BLVRB: variants seen among roughly 807,000 people sequenced by gnomAD.
BLVRB encodes biliverdin reductase B.
Under a neutral mutation model 21.1 loss-of-function variants are expected in BLVRB, and 25 were observed. The ratio of observed to expected loss-of-function variants is 1.19; its 90% CI spans 0.86 to 1.66. The LOEUF is 1.66. Ranked by LOEUF, BLVRB falls within the 40% of genes most tolerant of loss-of-function variation. The pLI is 0.00. For synonymous variants in BLVRB, 128 were observed against 122.2 expected, an observed-to-expected ratio of 1.05 and a Z score of -0.31; for missense variants, 274 against 282.7, an observed-to-expected ratio of 0.97 and a Z score of 0.22.
chr19:40,453,057 C>T (rs1308416700), intron 3 of BLVRB, among the ~76,000 whole-genome samples: 1 of 152,008 alleles, frequency 6.6e-6, no homozygotes, highest in Non-Finnish European at 1.5e-5. Context: ...AGCAAGACTC[C>T]GTCTCAAAAG....
rs535015157 is a variant in BLVRB, at chr19:40,455,988, AAAAT to A, written c.334+2163_334+2166del. Among the ~76,000 whole-genome samples, 582 of 152,130 alleles carry A rather than the reference AAAAT, an allele frequency of 3.8e-3. 3 individuals are homozygous for A. The highest frequency in any genetic ancestry group is 0.013 in the African/African-American group (541 of 41,522). On this transcript the variant is annotated intron_variant, in intron 3 of 4. Transcript: ENST00000263368. Reference sequence around the variant, plus strand: ...TTAGCCAGCCTTATAACCCGGTCTCAAAATAAATAAATAAATAGATAGATAGCTA... The same window carrying A: ...TTAGCCAGCCTTATAACCCGGTCTCAAAATAAATAAATAGATAGATAGCTA...
At chr19:40,451,530 T>TC in intron 3 of BLVRB, 38 bp from the exon 4 acceptor site, 1 of 1,447,016 alleles carries the variant, frequency 6.9e-7, no homozygotes, top group Non-Finnish European at 9.0e-7. Flanking sequence ...CTGGGCTCTC[T>TC]TGTCTTTTTT....
chr19:40,460,760 G>T (rs966030887), intron 1 of BLVRB, among the ~76,000 whole-genome samples: 1 of 152,140 alleles, frequency 6.6e-6, no homozygotes, highest in Admixed American at 6.6e-5. Flanking sequence ...ATCACCTGAA[G>T]TTGGAAGTCC....
Position 40,458,157 on chromosome 19 carries a change from G to C in BLVRB, c.332C>G (p.Ser111Trp). The change falls in exon 3 of 5, where the codon TCG becomes TGG. Residue 111 changes from serine (S) to tryptophan (W), a missense_variant and splice_region_variant. Transcript: ENST00000263368. Reference sequence around the variant, plus strand: ...ACCTCCATGATCCCACCACCCACCCGAGGTGCAGGCCACGACCTTGTCCAC... The same window carrying C: ...ACCTCCATGATCCCACCACCCACCCCAGGTGCAGGCCACGACCTTGTCCAC... ...HGVDKVVACT[S>W]AFLLWDPTKV... The C allele has an allele frequency of 1.2e-6, 2 of 1,613,692 alleles. No homozygotes were observed. The highest frequency in any genetic ancestry group is 1.7e-5 in the Admixed American group (1 of 59,970).
rs2079721787 is a variant in BLVRB at position 40,448,015 on chromosome 19, C to T, written c.495G>A (p.Val165=). The change falls in exon 5 of 5, where the codon GTG becomes GTA. Residue 165 remains valine, a synonymous_variant. Coordinates refer to ENST00000263368, the MANE Select transcript of BLVRB (RefSeq NM_000713.3). ...GDQPLTGAYT[V]TLDGRGPSRV... ...TTGAGGGCCCTCGTCCATCCAGGGT[C>T]ACTGTGTACGCCCCAGTTAGTGGCT... The T allele has an allele frequency of 6.2e-7, 1 of 1,614,026 alleles. No homozygotes were observed. The highest frequency in any genetic ancestry group is 2.2e-5 in the East Asian group (1 of 44,854).
chr19:40,458,115 C>A (rs1395260733), intron 3 of BLVRB, 40 bp downstream of exon 3: 1 of 1,586,666 alleles, frequency 6.3e-7, no homozygotes, highest in Non-Finnish European at 8.6e-7. Flanking sequence ...CTCCCCAGTA[C>A]CCCCCAGTTC....
intron 1 of BLVRB, among the ~76,000 whole-genome samples, chr19:40,459,068 G>A (rs908373820): frequency 3.3e-5 from 5 of 150,658 alleles, no homozygotes; most frequent in East Asian, 4.0e-4. Flanking sequence ...GGTGGCTCAC[G>A]CCTGTAATCT....
At chr19:40,459,533 C>T (rs141479558) in intron 1 of BLVRB, among the ~76,000 whole-genome samples, 7 of 151,526 alleles carry the variant, frequency 4.6e-5, no homozygotes, top group African/African-American at 1.5e-4. Flanking sequence ...CTGCAACCTC[C>T]GCCTCCCGGG....
At chr19:40,453,518 A>C (rs567187900) in intron 3 of BLVRB, among the ~76,000 whole-genome samples, 2 of 152,328 alleles carry the variant, frequency 1.3e-5, no homozygotes, top group African/African-American at 4.8e-5. Flanking sequence ...ACAAGCTATA[A>C]CTTGGCCAAG....
intron 1 of BLVRB, among the ~76,000 whole-genome samples, chr19:40,461,622 C>T (rs2079788095): frequency 6.6e-6 from 1 of 152,074 alleles, no homozygotes; most frequent in East Asian, 1.9e-4. Context: ...GCCTCAGCCT[C>T]CTGAGTAGCT....
At chr19:40,461,012 C>T (rs1227636725) in intron 1 of BLVRB, among the ~76,000 whole-genome samples, 1 of 149,152 alleles carries the variant, frequency 6.7e-6, no homozygotes. Flanking sequence ...ACAACAACAA[C>T]AATAAACATA....
chr19:40,450,756 C>T (rs1389958199), intron 4 of BLVRB, among the ~76,000 whole-genome samples: 2 of 149,426 alleles, frequency 1.3e-5, no homozygotes, highest in Non-Finnish European at 3.0e-5. Flanking sequence ...CCAGGCTGGT[C>T]TCAAACTCCT....
At chr19:40,459,592 A>C in intron 1 of BLVRB, among the ~76,000 whole-genome samples, 1 of 151,338 alleles carries the variant, frequency 6.6e-6, no homozygotes. Context: ...TTTTTTTGAG[A>C]TAGAGTCTCC....
Position 40,465,639 on chromosome 19 carries a change from A to G in BLVRB, c.50T>C (p.Leu17Pro). ...AIFGATGQTG[L>P]TTLAQAVQAG... ...TTGCACCGCCTGCGCCAGGGTGGTG[A>G]GCCCGGTCTGGCCAGTGGCGCCGAA... Residue 17 changes from leucine (L) to proline (P), a missense_variant, in exon 1 of 5, where the codon CTC becomes CCC. Physicochemically the swap from Leu to Pro is moderately conservative, Grantham distance 98. Transcript: ENST00000263368. 1.2e-6 allele frequency: 2 copies of G among 1,612,624 alleles called. No homozygotes were observed. Among genetic ancestry groups the G allele is most frequent in the African/African-American group, 2.7e-5 (2 of 74,952 alleles).
At chr19:40,463,359 A>G (rs143430769) in intron 1 of BLVRB, among the ~76,000 whole-genome samples, 2,294 of 152,336 alleles carry the variant, frequency 0.015, 126 homozygotes, top group Admixed American at 0.11. Flanking sequence ...CAGTTTTGTC[A>G]TGATCTTACA....
In BLVRB at chr19:40,448,608, AATATAT is replaced by A. The variant is rs55783717; in HGVS notation, c.464-568_464-563del. 1.8e-3 allele frequency among the ~76,000 whole-genome samples: 229 copies of A among 126,316 alleles called. 2 individuals carry two copies. The highest frequency in any genetic ancestry group is 4.3e-3 in the African/African-American group (153 of 35,276). 82.9% of individuals were successfully genotyped at this position (126,316 alleles called of 152,430 possible). A position where few individuals can be genotyped will look rare whatever the true frequency, so the allele number is the denominator to read the frequency against. Reference sequence around the variant, plus strand: ...CTTGTCTCTAACAACAACAACAACAAATATATATATATATATATATATATATATATA... The same window carrying A: ...CTTGTCTCTAACAACAACAACAACAAATATATATATATATATATATATATA... On this transcript the variant is annotated intron_variant, in intron 4 of 4. Transcript: ENST00000263368.
At chr19:40,462,834 G>A (rs953191931) in intron 1 of BLVRB, among the ~76,000 whole-genome samples, 5 of 138,948 alleles carry the variant, frequency 3.6e-5, no homozygotes, top group Non-Finnish European at 7.6e-5. Flanking sequence ...GGAGCTTGCA[G>A]TGAGCTAAGA....
At chr19:40,458,969 G>A (rs2079774869) in intron 1 of BLVRB, among the ~76,000 whole-genome samples, 2 of 151,644 alleles carry the variant, frequency 1.3e-5, no homozygotes, top group Non-Finnish European at 1.5e-5. Context: ...CCACTGCGCC[G>A]TGGCCTTCAA....
Position 40,447,816 on chromosome 19 carries a change from G to C in BLVRB, c.*73C>G. ...TCTCTAGAGTAATTTGAAGCTCTTG[G>C]CTCAACATTTATTGCCCCCTTCCTT... On this transcript the variant is annotated 3_prime_UTR_variant, in exon 5 of 5. Transcript: ENST00000263368. The C allele has an allele frequency of 6.5e-7, 1 of 1,534,006 alleles. No individual in the cohort carries two copies. The highest frequency in any genetic ancestry group is 1.2e-5 in the South Asian group (1 of 84,442).
Sources: gnomAD v4.1 joint callset for allele counts (sites outside exome capture counted in the v4.1 genomes callset) on GRCh38, gnomAD v4.1.1 for gene constraint, MANE v1.5 for transcripts, NCBI Gene and HGNC (gene_info 2026-07-23, HGNC 2026-07-21) for gene names.